The following CAMK1 variants were observed in gnomAD, a reference collection of about 807,000 sequenced individuals.
CAMK1 encodes the protein calcium/calmodulin-dependent protein kinase type 1.
A neutral mutation model predicts 49.1 loss-of-function variants in CAMK1; 39 were observed. That is an observed-to-expected ratio of 0.79 (90% CI 0.62 to 1.04). The LOEUF is 1.04. Ranked by LOEUF, CAMK1 falls within the 50% of genes least tolerant of loss-of-function variation. The pLI is 0.00. For synonymous variants in CAMK1, 192 were observed against 185.2 expected (o/e 1.04, Z -0.30); for missense variants, 457 against 472.2 (o/e 0.97, Z 0.30).
intron 8 of CAMK1, chr3:9,760,452 T>A (rs2077801125): frequency 1.7e-5 from 9 of 534,432 alleles, no homozygotes; most frequent in Non-Finnish European, 2.7e-5. Context: ...AACAAATGAA[T>A]GCCTAGTTTC....
intron 1 of CAMK1, among the ~76,000 whole-genome samples, chr3:9,768,794 G>A (rs569432065): frequency 6.6e-6 from 1 of 152,276 alleles, no homozygotes; most frequent in Admixed American, 6.5e-5. Context: ...AGGAGAAGGT[G>A]CCCTGACTAG....
rs772446575 is a variant in CAMK1 at position 9,757,371 on chromosome 3, A to G, written c.*168T>C. On this transcript the variant is annotated 3_prime_UTR_variant, in exon 12 of 12. Transcript: ENST00000256460. The surrounding 1 kb of genome is among the most constrained non-coding windows in gnomAD (Gnocchi z 4.5). ...ATGGTTTTATCTTCCCTTTATTACA[A>G]GAAGGAACAATAAAATAGAAACATT... 3.7e-6 allele frequency: 6 copies of G among 1,613,686 alleles called. No individual in the cohort carries two copies. The Admixed American group carries it at 1.0e-4, about 27-fold the overall frequency.
rs527811967 is a variant in CAMK1 at position 9,760,844 on chromosome 3, C to T, written c.633-76G>A. 1,481 of 1,595,722 alleles carry T rather than the reference C, an allele frequency of 9.3e-4. 1 individual carries two copies. Among genetic ancestry groups the T allele is most frequent in the Non-Finnish European group, 1.1e-3 (1,335 of 1,170,708 alleles). Reference sequence around the variant, plus strand: ...CCGGGGTGGAGCACTGGGGCAGTCTCAGGGGTCAGGCAGGAGCCATGGAAG... The same window carrying T: ...CCGGGGTGGAGCACTGGGGCAGTCTTAGGGGTCAGGCAGGAGCCATGGAAG... On this transcript the variant is annotated intron_variant, in intron 7 of 11. Transcript: ENST00000256460.
chr3:9,759,131 G>C, intron 10 of CAMK1: 1 of 1,415,082 alleles, frequency 7.1e-7, no homozygotes, highest in East Asian at 2.3e-5. Flanking sequence ...TGCACTTCCC[G>C]GAATGGCTAT....
Position 9,763,157 on chromosome 3 carries a change from A to G in CAMK1, c.272T>C (p.Leu91Pro). The change falls in exon 4 of 12, where the codon CTC (leucine) becomes CCC (proline). Residue 91 changes from leucine (L) to proline (P), a missense_variant. Transcript: ENST00000256460. ...CACTCACAGCTGCATGATGAGGTAG[A>G]GGTGGCCCCCACTCTCATAGATGTC... ...LDDIYESGGH[L>P]YLIMQLVSGG... The G allele has an allele frequency of 6.2e-7, 1 of 1,614,096 alleles. No homozygotes were observed. The highest frequency in any genetic ancestry group is 1.3e-5 in the African/African-American group (1 of 75,036).
At chr3:9,759,462 G>C in intron 10 of CAMK1, 26 bp downstream of exon 10, 2 of 1,614,078 alleles carry the variant, frequency 1.2e-6, no homozygotes, top group South Asian at 2.2e-5. Flanking sequence ...GGGAGGCTGG[G>C]ACCAGAACTA....
intron 3 of CAMK1, 63 bp from the exon 4 acceptor site, chr3:9,763,276 T>C (rs2077977841): frequency 6.2e-7 from 1 of 1,603,070 alleles, no homozygotes; most frequent in African/African-American, 1.3e-5. Flanking sequence ...TCCAAGCTAC[T>C]TGGGAACTTG....
At chr3:9,764,115 G>C (rs887983969) in intron 3 of CAMK1, among the ~76,000 whole-genome samples, 5 of 152,156 alleles carry the variant, frequency 3.3e-5, no homozygotes, top group African/African-American at 1.2e-4. Context: ...GTACAGGGTA[G>C]GTGCTAGATT....
At chr3:9,762,080 C>A in intron 5 of CAMK1, 1 of 252,820 alleles carries the variant, frequency 4.0e-6, no homozygotes, top group Non-Finnish European at 7.8e-6. Context: ...CCCTGCTAGG[C>A]CAGTCTGTAT....
rs765977141 is a variant in CAMK1 at position 9,761,625 on chromosome 3, C to T, written c.556+6G>A. 3.8e-5 allele frequency: 62 copies of T among 1,614,040 alleles called. 1 individual carries two copies. The South Asian group carries it at 6.5e-4, about 17-fold the overall frequency. ...CATCACAGCCCCAGCCCAGGGCCCT[C>T]CGCACCCACGTATCCCGGAGTTCCA... is the stretch of plus-strand genomic sequence containing the variant. On this transcript the variant is annotated splice_donor_region_variant and intron_variant, in intron 6 of 11. Transcript: ENST00000256460.
At chr3:9,766,779 A>G (rs1267972438) in intron 2 of CAMK1, 3 of 290,830 alleles carry the variant, frequency 1.0e-5, no homozygotes, top group African/African-American at 4.6e-5. Context: ...AGGGATAATT[A>G]GTTACTGTAG....
intron 3 of CAMK1, among the ~76,000 whole-genome samples, chr3:9,764,893 C>A (rs1365048364): frequency 6.6e-6 from 1 of 151,976 alleles, no homozygotes; most frequent in African/African-American, 2.4e-5. Context: ...CACAAACTTG[C>A]CATGTGACTG....
intron 10 of CAMK1, 47 bp downstream of exon 10, chr3:9,759,441 G>A (rs1206436803): frequency 6.2e-7 from 1 of 1,613,060 alleles, no homozygotes; most frequent in Non-Finnish European, 8.5e-7. Flanking sequence ...TAGGGATGGG[G>A]AGGAGTCCTG....
rs748089150 is a variant in CAMK1 at position 9,757,813 on chromosome 3, T to C, written c.946A>G (p.Met316Val). ...AFNATAVVRH[M>V]RKLQLGTSQE... ...CTGGTGCCCAGCTGCAGTTTCCTCA[T>C]GTGCCGCACCACAGCCGTGGCATTG... Residue 316 changes from methionine (M) to valine (V), a missense_variant, in exon 11 of 12, where the codon ATG (methionine) becomes GTG (valine). Transcript: ENST00000256460. This position sits in a 1 kb window ranked among gnomAD's most constrained non-coding sequence, Gnocchi z 4.5. 2.5e-6 allele frequency: 4 copies of C among 1,611,990 alleles called. No homozygotes were observed. The Admixed American group carries it at 6.7e-5, about 27-fold the overall frequency.
chr3:9,765,607 A>C (rs2078117415), intron 3 of CAMK1, 152 bp downstream of exon 3: 1 of 912,964 alleles, frequency 1.1e-6, no homozygotes, highest in Non-Finnish European at 1.7e-6. Context: ...GTTCCCCACA[A>C]CCCTGCCAAG....
chr3:9,768,275 A>T (rs536860770), intron 1 of CAMK1, among the ~76,000 whole-genome samples: 3 of 152,098 alleles, frequency 2.0e-5, no homozygotes, highest in Admixed American at 2.0e-4. Context: ...TTCCAGCAAC[A>T]TCTCAGCCAC....
In CAMK1 at chr3:9,759,569, T is replaced by C; in HGVS notation, c.831A>G (p.Ala277=). The change falls in exon 10 of 12, where the codon GCA becomes GCG. Residue 277 remains alanine, a synonymous_variant. Transcript: ENST00000256460. The stretch of plus-strand genomic sequence containing the variant: ...TATTCTTATCTAGAGCTGTATCTCC[T>C]GCAATCCTAGGATGGGGTTATGTGG... ...CEQALQHPWI[A]GDTALDKNIH... is the part of the protein sequence containing the mutation. The C allele has an allele frequency of 1.2e-6, 2 of 1,614,180 alleles. No homozygotes were observed. Among genetic ancestry groups the C allele is most frequent in the South Asian group, 2.2e-5 (2 of 91,082 alleles).
At chr3:9,769,227 A>G (rs192147792) in intron 1 of CAMK1, among the ~76,000 whole-genome samples, 1 of 151,682 alleles carries the variant, frequency 6.6e-6, no homozygotes, top group Admixed American at 6.6e-5. Context: ...ACCCGCACCC[A>G]CACAAGATGA....
chr3:9,769,621 C>A (rs1439317617), intron 1 of CAMK1, among the ~76,000 whole-genome samples: 12 of 152,234 alleles, frequency 7.9e-5, no homozygotes, highest in Non-Finnish European at 1.6e-4. Flanking sequence ...AGGCCCCCTT[C>A]TCTATTACCC....
Sources: allele counts gnomAD v4.1 joint callset (sites outside exome capture counted in the v4.1 genomes callset), GRCh38; gene constraint gnomAD v4.1.1; non-coding constraint Gnocchi (gnomAD v3.1); transcripts MANE v1.5; gene names NCBI Gene and HGNC (gene_info 2026-07-23, HGNC 2026-07-21).